The following ZNF475 variants were observed in gnomAD, a reference collection of about 807,000 sequenced individuals.
The protein encoded by ZNF475 is zinc finger protein 475.
the ZNF475 span, among the ~76,000 whole-genome samples, chr5:122,171,742 CTT>C: frequency 1.5e-4 from 22 of 144,542 alleles, no homozygotes; most frequent in Non-Finnish European, 1.2e-4. Flanking sequence ...CTTCTCTATA[CTT>C]TTTTTTTTTT....
At chr5:122,172,787 A>C in the ZNF475 span, among the ~76,000 whole-genome samples, 1 of 152,284 alleles carries the variant, frequency 6.6e-6, no homozygotes, top group South Asian at 2.1e-4. Context: ...TAATTCAAGC[A>C]CTTTGGGAGG....
At chr5:122,182,603 T>G in the ZNF475 span, 4 of 1,535,612 alleles carry the variant, frequency 2.6e-6, no homozygotes, top group Non-Finnish European at 3.5e-6. Context: ...ACAGACTGAT[T>G]GTTCACCAAC....
At chr5:122,169,965 C>G in the ZNF475 span, among the ~76,000 whole-genome samples, 1 of 152,164 alleles carries the variant, frequency 6.6e-6, no homozygotes, top group African/African-American at 2.4e-5. Context: ...AAATCTTGTT[C>G]TCAGACTATT....
At chr5:122,163,740 G>A in the ZNF475 span, among the ~76,000 whole-genome samples, 6 of 152,176 alleles carry the variant, frequency 3.9e-5, no homozygotes, top group Non-Finnish European at 7.3e-5. Context: ...TGGGAGCAGG[G>A]AAAGCAAAAA....
At chr5:122,162,485 C>T in the ZNF475 span, 10 of 152,074 alleles carry the variant, frequency 6.6e-5, no homozygotes, top group Admixed American at 1.3e-4. Flanking sequence ...GCATTTACTC[C>T]CATACATTAA....
the ZNF475 span, among the ~76,000 whole-genome samples, chr5:122,167,550 T>C: frequency 2.2e-4 from 34 of 152,346 alleles, no homozygotes; most frequent in East Asian, 6.4e-3. Context: ...GAATTTCTTT[T>C]ACAACGTGTA....
chr5:122,161,341 C>A, the ZNF475 span, among the ~76,000 whole-genome samples: 13 of 152,226 alleles, frequency 8.5e-5, no homozygotes, highest in Admixed American at 5.9e-4. Context: ...CCCAGGTTAC[C>A]CTTAATCAGA....
At chr5:122,160,190 C>G in the ZNF475 span, 2 of 1,286,274 alleles carry the variant, frequency 1.6e-6, 1 homozygote, top group Middle Eastern at 4.3e-4. Flanking sequence ...TTCCTTGGTG[C>G]CAACCATGCC....
chr5:122,181,302 A>G, the ZNF475 span, among the ~76,000 whole-genome samples: 1 of 152,214 alleles, frequency 6.6e-6, no homozygotes, highest in Non-Finnish European at 1.5e-5. Flanking sequence ...ATGCAAAAAC[A>G]TTTAGAAATG....
chr5:122,173,488 G>C, the ZNF475 span, among the ~76,000 whole-genome samples: 1 of 152,142 alleles, frequency 6.6e-6, no homozygotes, highest in Non-Finnish European at 1.5e-5. Context: ...TGGATGCCAG[G>C]TTATATACAA....
chr5:122,166,908 C>A, the ZNF475 span, among the ~76,000 whole-genome samples: 1 of 152,150 alleles, frequency 6.6e-6, no homozygotes, highest in African/African-American at 2.4e-5. Flanking sequence ...CTTGAGGAAT[C>A]GCCACACTGT....
chr5:122,165,856 T>C, the ZNF475 span, among the ~76,000 whole-genome samples: 2 of 152,210 alleles, frequency 1.3e-5, no homozygotes, highest in African/African-American at 4.8e-5. Context: ...ACACAGGCGT[T>C]TCATTTGCAT....
chr5:122,166,243 T>C, the ZNF475 span, among the ~76,000 whole-genome samples: 1 of 152,228 alleles, frequency 6.6e-6, no homozygotes, highest in East Asian at 1.9e-4. Context: ...ACTAACTGAA[T>C]TTATATGTGT....
At chr5:122,163,292 G>A in the ZNF475 span, 2 of 152,176 alleles carry the variant, frequency 1.3e-5, no homozygotes, top group African/African-American at 4.8e-5. Context: ...GAGAACAAAT[G>A]AAATAAAGCA....
chr5:122,181,231 T>C, the ZNF475 span, among the ~76,000 whole-genome samples: 1 of 152,194 alleles, frequency 6.6e-6, no homozygotes, highest in African/African-American at 2.4e-5. Context: ...TTTTATCCCA[T>C]GAACTCATTG....
At chr5:122,178,929 G>A in the ZNF475 span, among the ~76,000 whole-genome samples, 2 of 152,066 alleles carry the variant, frequency 1.3e-5, no homozygotes, top group African/African-American at 4.8e-5. Context: ...GTAAGGAAGG[G>A]GTCCAGCTTC....
At chr5:122,164,560 T>G in the ZNF475 span, among the ~76,000 whole-genome samples, 18 of 152,276 alleles carry the variant, frequency 1.2e-4, no homozygotes, top group East Asian at 3.5e-3. Context: ...ACCAGGGGCA[T>G]GCACACTTCA....
At chr5:122,163,640 G>T in the ZNF475 span, among the ~76,000 whole-genome samples, 2 of 152,186 alleles carry the variant, frequency 1.3e-5, no homozygotes, top group African/African-American at 2.4e-5. Context: ...CTCATTGATG[G>T]AATGACACAC....
At chr5:122,174,916 A>G in the ZNF475 span, among the ~76,000 whole-genome samples, 30 of 152,338 alleles carry the variant, frequency 2.0e-4, no homozygotes, top group South Asian at 8.3e-4. Context: ...ACATTTAAAC[A>G]TCTTGAAAAT....
Sources: allele counts gnomAD v4.1 joint callset (sites outside exome capture counted in the v4.1 genomes callset), GRCh38; gene constraint gnomAD v4.1.1; transcripts MANE v1.5; gene names NCBI Gene and HGNC (gene_info 2026-07-23, HGNC 2026-07-21).